XKR4: variants seen among roughly 807,000 people sequenced by gnomAD.
XKR4 encodes the protein XK related 4, also known as XK-related protein 4.
In XKR4, 12 loss-of-function variants were observed where a neutral mutation model predicts 53.9. The observed-to-expected ratio is 0.22, with a 90% confidence interval of 0.14 to 0.36. The LOEUF (loss-of-function observed/expected upper bound fraction) is 0.36. XKR4 is among the 10% of genes least tolerant of loss of function. XKR4 has a pLI of 1.00. For missense variants in XKR4, 799 were observed against 859.5 expected (o/e 0.93, Z 0.88); for synonymous variants, 354 against 362.4 (o/e 0.98, Z 0.26).
At chr8:55,471,246 TA>T (rs1241860981) in intron 2 of XKR4, among the ~76,000 whole-genome samples, 1 of 152,020 alleles carries the variant, frequency 6.6e-6, no homozygotes, top group Non-Finnish European at 1.5e-5. Context: ...ACAGGAAAAG[TA>T]AAGAGTTTTG....
chr8:55,187,602 A>C (rs1817397249), intron 1 of XKR4, among the ~76,000 whole-genome samples: 1 of 152,208 alleles, frequency 6.6e-6, no homozygotes, highest in African/African-American at 2.4e-5. Context: ...TTTAGAAATA[A>C]TAGCACTTAA....
chr8:55,367,028 G>C (rs946469250), intron 2 of XKR4, among the ~76,000 whole-genome samples: 10 of 152,010 alleles, frequency 6.6e-5, no homozygotes, highest in Admixed American at 5.9e-4. Flanking sequence ...TTTAAACATT[G>C]TTTTCAAGTG....
Position 55,103,391 on chromosome 8 carries a change from G to A in XKR4, c.806+97G>A, listed in dbSNP as rs151211484. 2,694 of 1,500,472 alleles carry A rather than the reference G, an allele frequency of 1.8e-3. 61 individuals carry two copies. In the Admixed American group the frequency reaches 0.049, roughly 27 times the overall value. 92.9% of individuals were successfully genotyped at this position (1,500,472 alleles called of 1,614,324 possible). ...GAAATCTTTCAGGGTTGCTTTGGTA[G>A]TAACCCTAGTCACACTCTTCCAGTT... On this transcript the variant is annotated intron_variant, in intron 1 of 2. Coordinates refer to ENST00000327381, the MANE Select transcript of XKR4 (RefSeq NM_052898.2).
intron 1 of XKR4, among the ~76,000 whole-genome samples, chr8:55,247,855 CTTTTT>C (rs1166258777): frequency 8.3e-5 from 5 of 59,890 alleles, no homozygotes; most frequent in South Asian, 4.8e-4. Flanking sequence ...TTCTTTCTTT[CTTTTT>C]TTTTTTTTTT....
intron 1 of XKR4, among the ~76,000 whole-genome samples, chr8:55,347,549 A>G (rs1436612219): frequency 6.6e-6 from 1 of 152,236 alleles, no homozygotes; most frequent in Non-Finnish European, 1.5e-5. Context: ...TTCCCTTAGC[A>G]TGCTTCCCAG....
At chr8:55,447,226 G>A (rs931323387) in intron 2 of XKR4, among the ~76,000 whole-genome samples, 3 of 152,164 alleles carry the variant, frequency 2.0e-5, no homozygotes, top group South Asian at 2.1e-4. Flanking sequence ...AGGTAGGTGA[G>A]CACAAAAGAA....
intron 2 of XKR4, among the ~76,000 whole-genome samples, chr8:55,445,027 T>C (rs1297809235): frequency 6.6e-6 from 1 of 152,158 alleles, no homozygotes; most frequent in Non-Finnish European, 1.5e-5. Flanking sequence ...CACAGCTATA[T>C]TGACATGTAT....
intron 1 of XKR4, among the ~76,000 whole-genome samples, chr8:55,319,163 C>G (rs1003127010): frequency 3.9e-4 from 60 of 152,192 alleles, no homozygotes; most frequent in African/African-American, 1.4e-3. Context: ...AATTCATAAT[C>G]AAGTCAGATC....
chr8:55,411,581 C>G (rs114050149), intron 2 of XKR4, among the ~76,000 whole-genome samples: 8,737 of 152,256 alleles, frequency 0.057, 441 homozygotes, highest in African/African-American at 0.13. Context: ...CTTGCCTAAC[C>G]CTGATTCCCA....
At chr8:55,323,097 A>G (rs944436539) in intron 1 of XKR4, among the ~76,000 whole-genome samples, 1 of 152,258 alleles carries the variant, frequency 6.6e-6, no homozygotes, top group Non-Finnish European at 1.5e-5. Flanking sequence ...AAAATACTTT[A>G]AATCATGAAT....
intron 1 of XKR4, among the ~76,000 whole-genome samples, chr8:55,317,167 T>C (rs1049689486): frequency 1.3e-5 from 2 of 152,258 alleles, no homozygotes; most frequent in Non-Finnish European, 1.5e-5. Context: ...TTAGCTTGCT[T>C]ATTTCTGAAA....
At chr8:55,142,123 C>T in intron 1 of XKR4, 1 of 456,094 alleles carries the variant, frequency 2.2e-6, no homozygotes, top group South Asian at 1.5e-5. Context: ...TCCTCCCTAC[C>T]TCCATTCTTT....
At chr8:55,142,003 T>A (rs1816711572) in intron 1 of XKR4, 1 of 445,074 alleles carries the variant, frequency 2.2e-6, no homozygotes, top group African/African-American at 2.0e-5. Flanking sequence ...TAAAGCCATC[T>A]CTGGGCTGGC....
intron 1 of XKR4, 79 bp from the exon 2 acceptor site, chr8:55,357,599 C>T: frequency 6.7e-7 from 1 of 1,493,180 alleles, no homozygotes. Flanking sequence ...TGGTGGCTTG[C>T]AGAAAAGAAC....
chr8:55,442,967 G>T (rs185525714), intron 2 of XKR4, among the ~76,000 whole-genome samples: 1 of 152,116 alleles, frequency 6.6e-6, no homozygotes, highest in Non-Finnish European at 1.5e-5. Flanking sequence ...ATTAAAAAGG[G>T]CAATGGAAAG....
chr8:55,455,121 A>G (rs1306559046), intron 2 of XKR4: 1 of 639,300 alleles, frequency 1.6e-6, no homozygotes, highest in Non-Finnish European at 2.9e-6. Context: ...AGCAGGAAGT[A>G]GTCTGTGATC....
rs191383989 is a variant in XKR4 at position 55,482,002 on chromosome 8, A to T, written c.1007-41279A>T. 9.8e-4 allele frequency among the ~76,000 whole-genome samples: 149 copies of T among 152,256 alleles called. 3 individuals are homozygous for T. The highest frequency in any genetic ancestry group is 3.2e-4 in the Non-Finnish European group (22 of 68,004). On this transcript the variant is annotated intron_variant, in intron 2 of 2. Coordinates refer to ENST00000327381, the MANE Select transcript of XKR4 (RefSeq NM_052898.2). ...AGTCAGTGTGGCGATTCCTCAGGGA[A>T]CTAGAAGTAGAAATACCATTTGACC... is the stretch of plus-strand genomic sequence containing the variant.
intron 1 of XKR4, among the ~76,000 whole-genome samples, chr8:55,126,384 A>C (rs1441489748): frequency 6.6e-6 from 1 of 152,236 alleles, no homozygotes; most frequent in Non-Finnish European, 1.5e-5. Context: ...TAAAGTCTCC[A>C]TTGTTGTTCA....
intron 1 of XKR4, among the ~76,000 whole-genome samples, chr8:55,199,543 G>T (rs1419725862): frequency 6.6e-6 from 1 of 152,204 alleles, no homozygotes; most frequent in African/African-American, 2.4e-5. Context: ...CCATTGTGCA[G>T]ATGAGGGGGA....
Sources: gnomAD v4.1 joint callset for allele counts (sites outside exome capture counted in the v4.1 genomes callset) on GRCh38, gnomAD v4.1.1 for gene constraint, MANE v1.5 for transcripts, NCBI Gene and HGNC (gene_info 2026-07-23, HGNC 2026-07-21) for gene names.